GABRG2: variants seen among roughly 807,000 people sequenced by gnomAD.
GABRG2 encodes gamma-aminobutyric acid type A receptor subunit gamma2, also known as gamma-aminobutyric acid receptor subunit gamma-2.
GABRG2 carries 16 observed loss-of-function variants against 56.4 expected under a neutral mutation model. That is an observed-to-expected ratio of 0.28 (90% CI 0.19 to 0.43). GABRG2 has a LOEUF of 0.43. Among genes scored for constraint, GABRG2 ranks in the 20% least tolerant of loss-of-function variants. The pLI, the probability that GABRG2 is intolerant of heterozygous loss-of-function variation, is 1.00. For missense variants in GABRG2, 327 were observed against 582.7 expected (o/e 0.56, Z 4.52); for synonymous variants, 208 against 205.5 (o/e 1.01, Z -0.10).
intron 6 of GABRG2, among the ~76,000 whole-genome samples, chr5:162,119,824 A>G (rs1405257004): frequency 6.6e-6 from 1 of 152,094 alleles, no homozygotes; most frequent in East Asian, 1.9e-4. Context: ...ATTTCTCAAA[A>G]TACCTTAGGA....
intron 7 of GABRG2, among the ~76,000 whole-genome samples, chr5:162,144,948 A>T (rs1764846325): frequency 6.6e-6 from 1 of 152,192 alleles, no homozygotes; most frequent in African/African-American, 2.4e-5. Flanking sequence ...GTGACTTAGG[A>T]GTTAGGATTG....
chr5:162,152,271 T>C, intron 9 of GABRG2: 1 of 203,862 alleles, frequency 4.9e-6, no homozygotes, highest in Non-Finnish European at 1.0e-5. Flanking sequence ...TCCCTGAGCC[T>C]TTTGGCTCTA....
chr5:162,091,826 G>A (rs1183739030), intron 1 of GABRG2, among the ~76,000 whole-genome samples: 1 of 152,090 alleles, frequency 6.6e-6, no homozygotes, highest in African/African-American at 2.4e-5. Context: ...ATAAGGAGGT[G>A]CCATAAACAA....
At chr5:162,101,547 T>A in intron 5 of GABRG2, 1 of 545,618 alleles carries the variant, frequency 1.8e-6, no homozygotes, top group Non-Finnish European at 3.3e-6. Context: ...TTTCCTTGAG[T>A]TGCAAACTTT....
intron 6 of GABRG2, among the ~76,000 whole-genome samples, chr5:162,115,275 A>T (rs997400816): frequency 1.3e-5 from 2 of 152,172 alleles, no homozygotes; most frequent in African/African-American, 4.8e-5. Context: ...TTGAAGGTTT[A>T]CTTCACTCCT....
At chr5:162,151,657 C>G in intron 8 of GABRG2, 73 bp from the exon 9 acceptor site, 3 of 1,246,884 alleles carry the variant, frequency 2.4e-6, no homozygotes, top group Admixed American at 2.0e-5. Context: ...TTGTCTCTCT[C>G]TTTTTTTTTC....
chr5:162,128,942 G>A (rs569745589), intron 6 of GABRG2, among the ~76,000 whole-genome samples: 4 of 151,916 alleles, frequency 2.6e-5, no homozygotes, highest in Non-Finnish European at 5.9e-5. Flanking sequence ...TCTCTGAGTC[G>A]CAGTTACAGC....
At chr5:162,141,078 C>A (rs1353041013) in intron 6 of GABRG2, among the ~76,000 whole-genome samples, 1 of 151,854 alleles carries the variant, frequency 6.6e-6, no homozygotes, top group African/African-American at 2.4e-5. Context: ...ACTGTGTTGC[C>A]CAGGCTGTAG....
chr5:162,123,059 G>C (rs1763082018), intron 6 of GABRG2, among the ~76,000 whole-genome samples: 1 of 151,548 alleles, frequency 6.6e-6, no homozygotes, highest in Non-Finnish European at 1.5e-5. Flanking sequence ...AAACAGCTTA[G>C]AATATATTCA....
intron 6 of GABRG2, among the ~76,000 whole-genome samples, chr5:162,127,776 G>A (rs1452109467): frequency 5.3e-5 from 8 of 152,026 alleles, no homozygotes; most frequent in Non-Finnish European, 1.2e-4. Context: ...ATCAAAGGAA[G>A]GGAATGCAAC....
chr5:162,152,668 A>G (rs908912978), intron 9 of GABRG2: 2 of 344,630 alleles, frequency 5.8e-6, no homozygotes, highest in South Asian at 3.6e-5. Context: ...CTATTTGCCT[A>G]TAACTAAGCA....
At chr5:162,091,555 A>C (rs1760589061) in intron 1 of GABRG2, among the ~76,000 whole-genome samples, 1 of 152,090 alleles carries the variant, frequency 6.6e-6, no homozygotes, top group Admixed American at 6.6e-5. Context: ...TCCAGAAAGC[A>C]GAACTAGCAT....
At chr5:162,151,620 GTTTTCAAAATGTAT>G in intron 8 of GABRG2, 96 bp from the exon 9 acceptor site, 1 of 942,640 alleles carries the variant, frequency 1.1e-6, no homozygotes, top group South Asian at 1.5e-5. Context: ...CACTTACTGT[GTTTTCAAAATGTAT>G]TTTTAATTTA....
At chr5:162,077,187 G>C (rs1480734581) in intron 1 of GABRG2, among the ~76,000 whole-genome samples, 1 of 151,220 alleles carries the variant, frequency 6.6e-6, no homozygotes, top group Non-Finnish European at 1.5e-5. Flanking sequence ...ATCCCTGCTT[G>C]CCCCTGGTAG....
At chr5:162,068,512 G>A (rs1307501605) in intron 1 of GABRG2, among the ~76,000 whole-genome samples, 1 of 151,134 alleles carries the variant, frequency 6.6e-6, no homozygotes, top group Non-Finnish European at 1.5e-5. Context: ...GGCGCACACC[G>A]GAGAGATATG....
intron 6 of GABRG2, among the ~76,000 whole-genome samples, chr5:162,124,092 G>A (rs1313742781): frequency 3.3e-5 from 5 of 151,816 alleles, no homozygotes; most frequent in African/African-American, 1.2e-4. Context: ...GAGAGAAAGT[G>A]TTTGAGCTGG....
chr5:162,137,212 C>T (rs1028083699), intron 6 of GABRG2, among the ~76,000 whole-genome samples: 5 of 152,064 alleles, frequency 3.3e-5, no homozygotes, highest in Admixed American at 1.3e-4. Context: ...CATAAAAAAC[C>T]GTGGGAAAAT....
At chr5:162,068,768 A>G (rs1304607882) in intron 1 of GABRG2, among the ~76,000 whole-genome samples, 3 of 152,142 alleles carry the variant, frequency 2.0e-5, no homozygotes, top group Admixed American at 6.6e-5. Flanking sequence ...CAGGGCATCC[A>G]CAGAGTCAGA....
intron 6 of GABRG2, among the ~76,000 whole-genome samples, chr5:162,119,231 A>G (rs1437671355): frequency 1.3e-5 from 2 of 151,786 alleles, no homozygotes; most frequent in African/African-American, 4.8e-5. Context: ...GAATTACAAA[A>G]CTCTGCATTA....
Sources: allele counts gnomAD v4.1 joint callset (sites outside exome capture counted in the v4.1 genomes callset), GRCh38; gene constraint gnomAD v4.1.1; transcripts MANE v1.5; gene names NCBI Gene and HGNC (gene_info 2026-07-23, HGNC 2026-07-21).